Variants in LPIN2 observed in about 807,000 individuals in gnomAD.
LPIN2 encodes the protein phosphatidate phosphatase LPIN2.
Under a neutral mutation model 111.4 loss-of-function variants are expected in LPIN2, and 55 were observed. The ratio of observed to expected loss-of-function variants is 0.49; its 90% CI spans 0.40 to 0.62. LPIN2 has a LOEUF of 0.62. LPIN2 is among the 20% of genes least tolerant of loss of function. The probability of loss-of-function intolerance (pLI) is 0.00; values close to 1 mark genes in which losing one functional copy is unlikely to be tolerated. For missense variants in LPIN2, 992 were observed against 1,112.1 expected (o/e 0.89, Z 1.54); for synonymous variants, 425 against 414.0 (o/e 1.03, Z -0.32).
chr18:2,955,829 C>G (rs1304626157), intron 2 of LPIN2, among the ~76,000 whole-genome samples: 1 of 152,062 alleles, frequency 6.6e-6, no homozygotes, highest in South Asian at 2.1e-4. Flanking sequence ...GCAGGAGAAT[C>G]GCTTGAACCC....
At chr18:2,949,425 C>A (rs1053815595) in intron 4 of LPIN2, among the ~76,000 whole-genome samples, 14 of 152,134 alleles carry the variant, frequency 9.2e-5, no homozygotes, top group African/African-American at 2.9e-4. Context: ...ATAGTGTACT[C>A]TGGTTTGTAG....
chr18:3,011,891 T>C (rs991602174), intron 1 of LPIN2: 6 of 152,334 alleles, frequency 3.9e-5, no homozygotes, highest in Non-Finnish European at 8.8e-5. Flanking sequence ...TCCCCTGCAC[T>C]GTGTGGCCGG....
chr18:2,974,117 T>C (rs592962), intron 1 of LPIN2, among the ~76,000 whole-genome samples: 76,379 of 152,142 alleles, frequency 0.5, 20,720 homozygotes, highest in Non-Finnish European at 0.61. Flanking sequence ...TTTTTTGAGA[T>C]GCAGTCTTGC....
Position 2,929,032 on chromosome 18 carries a change from G to A in LPIN2, c.1550+33C>T. 4.5e-6 allele frequency: 6 copies of A among 1,336,358 alleles called. 1 individual carries two copies. The South Asian group carries it at 4.7e-5, about 10-fold the overall frequency. The allele number at this position is 1,336,358 out of a possible 1,614,324, so 82.8% of individuals were successfully genotyped here. ...TGGCACTTGTAAAAAAACTGCAAGA[G>A]TATTTAACAATTATAAAAGCAGGAG... is the stretch of plus-strand genomic sequence containing the variant. On this transcript the variant is annotated intron_variant, in intron 10 of 19. Coordinates refer to ENST00000677752, the MANE Select transcript of LPIN2 (RefSeq NM_001375808.2).
At chr18:2,974,324 C>T (rs565384522) in intron 1 of LPIN2, among the ~76,000 whole-genome samples, 5 of 152,274 alleles carry the variant, frequency 3.3e-5, no homozygotes, top group South Asian at 4.1e-4. Context: ...GCGATCCGCC[C>T]GCCTCAGACT....
intron 4 of LPIN2, chr18:2,946,582 A>G: frequency 1.9e-6 from 2 of 1,032,978 alleles, no homozygotes; most frequent in Middle Eastern, 4.0e-4. Flanking sequence ...CGGGAACAGC[A>G]AGAGGATGCG....
At chr18:3,008,424 C>T (rs1490347242) in intron 1 of LPIN2, among the ~76,000 whole-genome samples, 1 of 152,150 alleles carries the variant, frequency 6.6e-6, no homozygotes, top group Non-Finnish European at 1.5e-5. Context: ...CCTGGGTGAC[C>T]AAGTGAGACC....
chr18:2,925,386 A>G lies in LPIN2; in HGVS notation c.1794-18T>C. On this transcript the variant is annotated intron_variant, in intron 13 of 19. Coordinates refer to ENST00000677752, the MANE Select transcript of LPIN2 (RefSeq NM_001375808.2). The surrounding 1 kb of genome is among the most constrained non-coding windows in gnomAD (Gnocchi z 4.1). ...CGGCCGGCCTGTTCAACATTAGCCC[A>G]GTTACGGAAGAGGCAGCAGGGCATT... is the stretch of plus-strand genomic sequence containing the variant. The G allele has an allele frequency of 6.2e-7, 1 of 1,614,046 alleles. No individual in the cohort carries two copies. The highest frequency in any genetic ancestry group is 8.5e-7 in the Non-Finnish European group (1 of 1,179,962).
intron 1 of LPIN2, among the ~76,000 whole-genome samples, chr18:2,987,304 G>GA (rs2078201091): frequency 6.6e-6 from 1 of 152,186 alleles, no homozygotes; most frequent in Non-Finnish European, 1.5e-5. Context: ...GAAGGTGCTG[G>GA]AAGAAGCCAG....
intron 3 of LPIN2, among the ~76,000 whole-genome samples, chr18:2,952,571 G>A (rs2077552614): frequency 6.6e-6 from 1 of 152,146 alleles, no homozygotes; most frequent in Non-Finnish European, 1.5e-5. Context: ...TGAAGCTAAA[G>A]TTTGATTTAG....
Position 2,918,324 on chromosome 18 carries a change from G to A in LPIN2, c.*1969C>T, listed in dbSNP as rs968285687. On this transcript the variant is annotated 3_prime_UTR_variant, in exon 20 of 20. Transcript: ENST00000677752. ...AAAGGACAACCTAAAAAGGATTAAA[G>A]ATGTATATTAAGATTTTTCAGTACC... 5 of 152,236 alleles carry A rather than the reference G, an allele frequency of 3.3e-5. No homozygotes were observed. Among genetic ancestry groups the A allele is most frequent in the Non-Finnish European group, 7.3e-5 (5 of 68,042 alleles). The allele number at this position is 152,236 out of a possible 1,614,324, so 9.4% of individuals were successfully genotyped here.
intron 6 of LPIN2, 114 bp from the exon 7 acceptor site, chr18:2,938,151 A>T (rs1403460834): frequency 5.2e-6 from 4 of 775,316 alleles, no homozygotes; most frequent in Non-Finnish European, 8.6e-6. Context: ...TTCATTAAGT[A>T]TCTTAGTTTG....
rs555364113 is a variant in LPIN2, at chr18:3,009,270, G to A, written c.-10+3817C>T. 1.5e-3 allele frequency among the ~76,000 whole-genome samples: 228 copies of A among 151,588 alleles called. 1 individual carries two copies. The highest frequency in any genetic ancestry group is 5.0e-3 in the African/African-American group (205 of 41,348). ...AAAAATTAGCCAGGTGTGGTGGCAC[G>A]TGCCTGTAGTCCCAGCTACTCAGGA... is the stretch of plus-strand genomic sequence containing the variant. On this transcript the variant is annotated intron_variant, in intron 1 of 19. Coordinates refer to ENST00000677752, the MANE Select transcript of LPIN2 (RefSeq NM_001375808.2).
At position 2,940,540 on chromosome 18, in the gene LPIN2, C is replaced by T. The variant is rs956504031; in HGVS notation, c.698+65G>A. The T allele has an allele frequency of 3.0e-5, 29 of 950,862 alleles. No homozygotes were observed. The African/African-American group carries it at 3.6e-4, about 12-fold the overall frequency. 58.9% of individuals were successfully genotyped at this position (950,862 alleles called of 1,614,324 possible). A position where few individuals can be genotyped will look rare whatever the true frequency, so the allele number is the denominator to read the frequency against. On this transcript the variant is annotated intron_variant, in intron 5 of 19. Coordinates refer to ENST00000677752, the MANE Select transcript of LPIN2 (RefSeq NM_001375808.2). ...GGGAAATATCATTACTACAGATTAACAGAAAAGCTAATTAATACATCTCCT... is the reference window on the plus strand; with the variant it reads ...GGGAAATATCATTACTACAGATTAATAGAAAAGCTAATTAATACATCTCCT...
Position 2,922,099 on chromosome 18 carries a change from G to C in LPIN2, c.2275C>G (p.Pro759Ala), listed in dbSNP as rs1398701660. The C allele has an allele frequency of 6.2e-7, 1 of 1,614,044 alleles. No homozygotes were observed. Residue 759 changes from proline (P) to alanine (A), a missense_variant, in exon 17 of 20, where the codon CCC (proline) becomes GCC (alanine). Pro to Ala is a conservative substitution (Grantham distance 27). Transcript: ENST00000677752. ...GGGGACAGCATCAGGGGGCCCCGGGGCAAGATTGTGCCCTTGTCATTGACC... is the reference window on the plus strand; with the variant it reads ...GGGGACAGCATCAGGGGGCCCCGGGCCAAGATTGTGCCCTTGTCATTGACC... ...HWVNDKGTIL[P>A]RGPLMLSPSS...
chr18:3,007,245 C>T (rs979397126), intron 1 of LPIN2, among the ~76,000 whole-genome samples: 1 of 152,140 alleles, frequency 6.6e-6, no homozygotes, highest in Admixed American at 6.5e-5. Context: ...TATCTTGGCT[C>T]ACTGCAAGCT....
At chr18:3,002,883 A>G (rs2078455289) in intron 1 of LPIN2, among the ~76,000 whole-genome samples, 1 of 152,238 alleles carries the variant, frequency 6.6e-6, no homozygotes. Context: ...TTTACGCAGA[A>G]GCAGACCTAC....
At position 2,925,243 on chromosome 18, in the gene LPIN2, C is replaced by T. The variant is rs1036019863; in HGVS notation, c.1919G>A (p.Arg640His). Reference protein sequence around the residue: ...GSTTSYKKSLRLSSDQIAKLK... With the variant: ...GSTTSYKKSLHLSSDQIAKLK... ...ACTCACGATCTGGTCTGAGGAGAGG[C>T]GGAGAGACTTCTTATATGAAGTTGT... The change falls in exon 14 of 20, where the codon CGC becomes CAC. Residue 640 changes from arginine to histidine, a missense_variant. This residue lies in a region of LPIN2 where 709 missense variants were observed against 753.2 expected (regional missense o/e 0.94). Transcript: ENST00000677752. The surrounding 1 kb of genome is among the most constrained non-coding windows in gnomAD (Gnocchi z 4.1). 6 of 1,614,004 alleles carry T rather than the reference C, an allele frequency of 3.7e-6. No homozygotes were observed. The highest frequency in any genetic ancestry group is 1.1e-5 in the South Asian group (1 of 91,086).
At chr18:3,012,190 A>T (rs2078615745) in intron 1 of LPIN2, among the ~76,000 whole-genome samples, 1 of 152,228 alleles carries the variant, frequency 6.6e-6, no homozygotes, top group Non-Finnish European at 1.5e-5. Context: ...TCAATTAAAA[A>T]AAAAATGGGT....
Sources: allele counts gnomAD v4.1 joint callset (sites outside exome capture counted in the v4.1 genomes callset), GRCh38; gene constraint gnomAD v4.1.1; regional missense constraint gnomAD v4.1.1; non-coding constraint Gnocchi (gnomAD v3.1); transcripts MANE v1.5; gene names NCBI Gene and HGNC (gene_info 2026-07-23, HGNC 2026-07-21).